The following CSMD3 variants were observed in gnomAD, a reference collection of about 807,000 sequenced individuals.
CSMD3 encodes CUB and Sushi multiple domains 3.
In CSMD3, 177 loss-of-function variants were observed where a neutral mutation model predicts 435.2. The observed-to-expected ratio is 0.41, with a 90% CI of 0.36 to 0.46. The LOEUF is 0.46. Ranked by LOEUF, CSMD3 falls within the 20% of genes least tolerant of loss-of-function variation. The pLI is 0.34. For synonymous variants in CSMD3, 1,656 were observed against 1,520.5 expected, an observed-to-expected ratio of 1.09 and a Z score of -2.07; for missense variants, 4,265 against 4,504.6, an observed-to-expected ratio of 0.95 and a Z score of 1.52.
intron 5 of CSMD3, among the ~76,000 whole-genome samples, chr8:113,041,205 TA>T (rs1311041503): frequency 1.8e-3 from 136 of 74,614 alleles, no homozygotes; most frequent in East Asian, 0.013. Context: ...GACTCCGTCT[TA>T]AAAAAAAAAA....
chr8:113,085,718 T>TA (rs959276901), intron 5 of CSMD3, among the ~76,000 whole-genome samples: 29 of 151,846 alleles, frequency 1.9e-4, no homozygotes, highest in African/African-American at 5.1e-4. Flanking sequence ...ATGTGGGAGC[T>TA]AAAAAAAATG....
chr8:113,270,700 T>A (rs187841352), intron 3 of CSMD3, among the ~76,000 whole-genome samples: 4 of 151,926 alleles, frequency 2.6e-5, no homozygotes, highest in African/African-American at 9.7e-5. Flanking sequence ...CTGGAAACCA[T>A]CACTCTCAGC....
chr8:112,821,993 T>G (rs1162478945), intron 12 of CSMD3, among the ~76,000 whole-genome samples: 1 of 152,204 alleles, frequency 6.6e-6, no homozygotes, highest in Non-Finnish European at 1.5e-5. Context: ...CTCTCTGTTA[T>G]GTTCCACTGA....
intron 2 of CSMD3, among the ~76,000 whole-genome samples, chr8:113,283,100 C>T (rs1381986577): frequency 6.6e-6 from 1 of 152,024 alleles, no homozygotes; most frequent in Non-Finnish European, 1.5e-5. Context: ...GGATTAAGGA[C>T]GTAAATCTAA....
intron 7 of CSMD3, among the ~76,000 whole-genome samples, chr8:112,966,599 C>T (rs2084427039): frequency 6.6e-6 from 1 of 151,208 alleles, no homozygotes; most frequent in Non-Finnish European, 1.5e-5. Context: ...TTATTTGATA[C>T]ATTGAAAAAT....
intron 9 of CSMD3, among the ~76,000 whole-genome samples, chr8:112,929,232 T>C (rs1385964557): frequency 2.3e-5 from 2 of 87,036 alleles, no homozygotes; most frequent in African/African-American, 4.6e-5. Context: ...TCCCATGGGG[T>C]GGGGGGAGGG....
At chr8:112,580,356 G>T (rs1457810439) in intron 23 of CSMD3, among the ~76,000 whole-genome samples, 1 of 151,982 alleles carries the variant, frequency 6.6e-6, no homozygotes, top group Non-Finnish European at 1.5e-5. Flanking sequence ...TTCCCTAGAT[G>T]AGTTAAGCGG....
At chr8:112,462,584 G>A (rs148304471) in intron 32 of CSMD3, among the ~76,000 whole-genome samples, 144 of 151,790 alleles carry the variant, frequency 9.5e-4, no homozygotes, top group African/African-American at 3.4e-3. Flanking sequence ...TCCCATTCTA[G>A]AGCATATTAT....
At chr8:112,275,416 G>A (rs923361918) in intron 59 of CSMD3, among the ~76,000 whole-genome samples, 7 of 151,998 alleles carry the variant, frequency 4.6e-5, no homozygotes, top group Non-Finnish European at 8.8e-5. Context: ...GCATGGTGGT[G>A]GGTGTCTGTA....
intron 10 of CSMD3, among the ~76,000 whole-genome samples, chr8:112,918,867 G>A (rs2082647714): frequency 6.6e-6 from 1 of 151,850 alleles, no homozygotes. Context: ...TCTCAAAGGT[G>A]CAGTGCACTG....
At chr8:113,427,620 G>A (rs1419634588) in intron 1 of CSMD3, among the ~76,000 whole-genome samples, 6 of 151,548 alleles carry the variant, frequency 4.0e-5, no homozygotes, top group Non-Finnish European at 8.9e-5. Flanking sequence ...TTTATGTGAA[G>A]ATACACAGCT....
chr8:112,290,290 A>G (rs942363878), intron 56 of CSMD3, among the ~76,000 whole-genome samples: 2 of 152,022 alleles, frequency 1.3e-5, no homozygotes, highest in Non-Finnish European at 2.9e-5. Flanking sequence ...TGAGGACACA[A>G]AAACTTAATA....
At chr8:112,568,665 A>C (rs898026621) in intron 24 of CSMD3, among the ~76,000 whole-genome samples, 10 of 152,250 alleles carry the variant, frequency 6.6e-5, no homozygotes, top group African/African-American at 2.4e-4. Flanking sequence ...TATGCATATA[A>C]TTTATTTGTT....
chr8:112,497,466 T>A (rs1821472830), intron 30 of CSMD3, among the ~76,000 whole-genome samples: 1 of 135,356 alleles, frequency 7.4e-6, no homozygotes, highest in Non-Finnish European at 1.5e-5. Context: ...TCAAAATATC[T>A]CATGTACTCC....
At chr8:113,030,332 C>G (rs112099558) in intron 5 of CSMD3, among the ~76,000 whole-genome samples, 1 of 127,228 alleles carries the variant, frequency 7.9e-6, no homozygotes. Context: ...CAAGACTAAG[C>G]AAAAAGAACA....
chr8:113,406,565 G>A (rs914632823), intron 1 of CSMD3, among the ~76,000 whole-genome samples: 5 of 151,878 alleles, frequency 3.3e-5, no homozygotes, highest in African/African-American at 1.2e-4. Flanking sequence ...TAAATAGTAA[G>A]CTCCAAAAGT....
At chr8:112,631,238 A>G (rs111486127) in intron 22 of CSMD3, among the ~76,000 whole-genome samples, 15 of 152,230 alleles carry the variant, frequency 9.9e-5, no homozygotes, top group Non-Finnish European at 1.9e-4. Flanking sequence ...TTGTTTTTGT[A>G]AATAAAGTTT....
At chr8:112,725,623 A>C (rs1172818062) in intron 13 of CSMD3, among the ~76,000 whole-genome samples, 2 of 151,902 alleles carry the variant, frequency 1.3e-5, no homozygotes, top group African/African-American at 4.8e-5. Context: ...TGTATATATG[A>C]AAGGGAGAAT....
At chr8:113,287,862 GA>G in intron 2 of CSMD3, among the ~76,000 whole-genome samples, 1 of 151,900 alleles carries the variant, frequency 6.6e-6, no homozygotes, top group Non-Finnish European at 1.5e-5. Context: ...GAAAGTTAGT[GA>G]AGGCTATCTT....
Sources: gnomAD v4.1 joint callset for allele counts (sites outside exome capture counted in the v4.1 genomes callset) on GRCh38, gnomAD v4.1.1 for gene constraint, MANE v1.5 for transcripts, NCBI Gene and HGNC (gene_info 2026-07-23, HGNC 2026-07-21) for gene names.